The following NAV2 variants were observed in gnomAD, a reference collection of about 807,000 sequenced individuals.
NAV2 encodes the protein helicase, APC down-regulated 1.
NAV2 carries 54 observed loss-of-function variants against 223.2 expected under a neutral mutation model. That is an observed-to-expected ratio of 0.24 (90% confidence interval 0.19 to 0.30). NAV2 has a LOEUF of 0.30. Among genes scored for constraint, NAV2 ranks in the 10% least tolerant of loss-of-function variants. The pLI is 1.00. For missense variants in NAV2, 2,806 were observed against 3,147.5 expected (o/e 0.89, Z 2.60); for synonymous variants, 1,279 against 1,239.3 (o/e 1.03, Z -0.67).
chr11:19,826,334 C>G (rs2059638490), intron 1 of NAV2, among the ~76,000 whole-genome samples: 1 of 152,178 alleles, frequency 6.6e-6, no homozygotes. Flanking sequence ...GAAAACAATT[C>G]TGGATAGCTG....
chr11:19,954,224 G>A (rs1399899605), intron 10 of NAV2, among the ~76,000 whole-genome samples: 1 of 152,170 alleles, frequency 6.6e-6, no homozygotes, highest in Non-Finnish European at 1.5e-5. Context: ...TGAGAATGAG[G>A]CTGATCAATA....
intron 3 of NAV2, among the ~76,000 whole-genome samples, chr11:19,860,742 T>C (rs552318695): frequency 8.9e-4 from 136 of 152,064 alleles, no homozygotes; most frequent in African/African-American, 3.2e-3. Context: ...CTGGGCACCA[T>C]TGAGCACTGA....
At chr11:19,885,773 A>G (rs558590386) in intron 5 of NAV2, among the ~76,000 whole-genome samples, 1 of 152,336 alleles carries the variant, frequency 6.6e-6, no homozygotes, top group Non-Finnish European at 1.5e-5. Context: ...ATTTCAATAC[A>G]TATTCTTATT....
At chr11:19,937,282 T>C (rs1012334537) in intron 7 of NAV2, among the ~76,000 whole-genome samples, 2 of 152,182 alleles carry the variant, frequency 1.3e-5, no homozygotes, top group African/African-American at 4.8e-5. Flanking sequence ...TAAAATGGTT[T>C]ATTCTCCTTT....
chr11:19,387,954 A>G (rs1849107343), intron 1 of NAV2, among the ~76,000 whole-genome samples: 1 of 152,190 alleles, frequency 6.6e-6, no homozygotes. Flanking sequence ...TCCAGCAATG[A>G]CATTGCCTGT....
At chr11:19,346,074 C>A (rs1852988988), upstream of NAV2, among the ~76,000 whole-genome samples, 3 of 152,036 alleles carry the variant, frequency 2.0e-5, no homozygotes, top group Non-Finnish European at 1.5e-5. Flanking sequence ...TATCTATGAG[C>A]GCGTGTGTTT....
rs758090792 is a variant in NAV2, at chr11:19,611,391, AAAGTCTT to A, written c.76-221091_76-221085del. Among the ~76,000 whole-genome samples, 15 of 152,258 alleles carry A rather than the reference AAAGTCTT, an allele frequency of 9.9e-5. 1 individual carries two copies. Among genetic ancestry groups the A allele is most frequent in the Admixed American group, 7.8e-4 (12 of 15,298 alleles). ...AATCATTCCTTCCCGACAGTCCCCCAAAGTCTTATTTCAGCATTAACCCAACAGTCCA... is the reference window on the plus strand; with the variant it reads ...AATCATTCCTTCCCGACAGTCCCCCAATTTCAGCATTAACCCAACAGTCCA... On this transcript the variant is annotated intron_variant, in intron 1 of 37. Transcript: ENST00000360655.
chr11:19,458,864 G>A (rs1357638067), intron 1 of NAV2, among the ~76,000 whole-genome samples: 1 of 152,234 alleles, frequency 6.6e-6, no homozygotes. Flanking sequence ...CAAATGCTGA[G>A]ATGGATGAGT....
At chr11:20,061,175 C>T (rs145709095) in intron 19 of NAV2, among the ~76,000 whole-genome samples, 10 of 152,208 alleles carry the variant, frequency 6.6e-5, no homozygotes, top group African/African-American at 1.9e-4. Flanking sequence ...AACAAGTTGT[C>T]GAGAAGTTAC....
At position 19,933,282 on chromosome 11, in the gene NAV2, G is replaced by C. The variant is rs774257586; in HGVS notation, c.1038G>C (p.Ser346=). 2 of 1,613,338 alleles carry C rather than the reference G, an allele frequency of 1.2e-6. No homozygotes were observed. The highest frequency in any genetic ancestry group is 1.7e-5 in the Admixed American group (1 of 59,892). The change falls in exon 7 of 38, where the codon TCG becomes TCC. Residue 346 remains serine (S), a synonymous_variant. Transcript: ENST00000349880. This position sits in a 1 kb window ranked among gnomAD's most constrained non-coding sequence, Gnocchi z 4.3. ...SSTPTNCSTS[S]AIPQPGAATK... is the part of the protein sequence containing the mutation. ...CCCCTACTAATTGCAGTACCTCCTC[G>C]GCCATCCCGCAGCCCGGTGCAGCCA...
intron 1 of NAV2, among the ~76,000 whole-genome samples, chr11:19,589,274 A>C (rs963040921): frequency 1.3e-5 from 2 of 152,130 alleles, no homozygotes; most frequent in African/African-American, 2.4e-5. Context: ...AACAAAAAAA[A>C]CCTCCCAGCT....
intron 2 of NAV2, among the ~76,000 whole-genome samples, chr11:19,836,421 G>C (rs932735404): frequency 6.6e-6 from 1 of 152,000 alleles, no homozygotes; most frequent in Non-Finnish European, 1.5e-5. Flanking sequence ...GCCGGGCGCG[G>C]TGGCGGGCGC....
Position 19,552,616 on chromosome 11 carries a change from G to A in NAV2, c.75+201589G>A, listed in dbSNP as rs533286095. ...ACAAGGCCATGGAACAACATTAAGC[G>A]GAACCACTCTGTGACATGAAGGACG... On this transcript the variant is annotated intron_variant, in intron 1 of 37. Transcript: ENST00000360655. Among the ~76,000 whole-genome samples, 23 of 152,304 alleles carry A rather than the reference G, an allele frequency of 1.5e-4. 1 individual carries two copies. The highest frequency in any genetic ancestry group is 1.0e-3 in the South Asian group (5 of 4,814).
At chr11:19,612,966 A>G (rs1350551362) in intron 1 of NAV2, among the ~76,000 whole-genome samples, 1 of 152,244 alleles carries the variant, frequency 6.6e-6, no homozygotes, top group South Asian at 2.1e-4. Context: ...TTATAGTTCC[A>G]TATGGGTGGG....
At chr11:19,961,688 G>A (rs2048361518) in intron 10 of NAV2, among the ~76,000 whole-genome samples, 1 of 152,184 alleles carries the variant, frequency 6.6e-6, no homozygotes, top group African/African-American at 2.4e-5. Context: ...GTTAAACTGT[G>A]GCGCACCTCT....
At chr11:19,816,478 C>T (rs1262682062) in intron 1 of NAV2, among the ~76,000 whole-genome samples, 6 of 152,244 alleles carry the variant, frequency 3.9e-5, no homozygotes, top group Non-Finnish European at 5.9e-5. Context: ...CGTTACCCCT[C>T]CCTGAGTACT....
Position 19,880,083 on chromosome 11 carries a change from A to T in NAV2, c.726A>T (p.Pro242=). ...AAGCCCCGTGCCAGCCTCACCAGCC[A>T]GCGCCACATCAGCAGTCAAAAGCAC... ...TPQAPCQPHQ[P]APHQQSKAQA... is the part of the protein sequence containing the mutation. The change falls in exon 5 of 38, where the codon CCA becomes CCT. Residue 242 remains proline (P), a synonymous_variant. Transcript: ENST00000349880. 6.2e-7 allele frequency: 1 copy of T among 1,610,932 alleles called. No homozygotes were observed. The highest frequency in any genetic ancestry group is 8.5e-7 in the Non-Finnish European group (1 of 1,177,776).
At chr11:19,843,702 G>C (rs771963499) in intron 3 of NAV2, among the ~76,000 whole-genome samples, 4 of 150,362 alleles carry the variant, frequency 2.7e-5, no homozygotes, top group Non-Finnish European at 5.9e-5. Context: ...AAAACATGAA[G>C]GTGGCAACTT....
At chr11:19,450,157 A>G (rs1443768094) in intron 1 of NAV2, among the ~76,000 whole-genome samples, 1 of 152,200 alleles carries the variant, frequency 6.6e-6, no homozygotes, top group Admixed American at 6.5e-5. Context: ...GTGGAGCTGC[A>G]GGGGTGAGCA....
Sources: gnomAD v4.1 joint callset for allele counts (sites outside exome capture counted in the v4.1 genomes callset) on GRCh38, gnomAD v4.1.1 for gene constraint, Gnocchi (gnomAD v3.1) non-coding constraint, MANE v1.5 for transcripts, NCBI Gene and HGNC (gene_info 2026-07-23, HGNC 2026-07-21) for gene names.